Variants in RASEF observed in about 807,000 individuals in gnomAD.
RASEF encodes the protein ras and EF-hand domain-containing protein.
A neutral mutation model predicts 90.1 loss-of-function variants in RASEF; 68 were observed. The ratio of observed to expected loss-of-function variants is 0.75; its 90% confidence interval spans 0.62 to 0.92. RASEF has a LOEUF of 0.92. RASEF is among the 40% of genes least tolerant of loss of function. The pLI, the probability that RASEF is intolerant of heterozygous loss-of-function variation, is 0.00. For synonymous variants in RASEF, 331 were observed against 345.2 expected (o/e 0.96, Z 0.46); for missense variants, 949 against 937.2 (o/e 1.01, Z -0.16).
chr9:83,089,947 T>TATAG, the RASEF span, among the ~76,000 whole-genome samples: 169 of 143,022 alleles, frequency 1.2e-3, no homozygotes, highest in African/African-American at 4.5e-3. Context: ...GATAGATAGA[T>TATAG]ATAGATATAT....
intron 13 of RASEF, 143 bp from the exon 14 acceptor site, chr9:82,997,269 T>C: frequency 1.6e-6 from 1 of 614,322 alleles, no homozygotes; most frequent in Admixed American, 2.6e-5. Context: ...CATAGGCATT[T>C]CAAAGGTCTC....
At chr9:82,990,286 A>T in intron 16 of RASEF, 105 bp downstream of exon 16, 2 of 743,372 alleles carry the variant, frequency 2.7e-6, no homozygotes, top group Non-Finnish European at 4.6e-6. Flanking sequence ...CTGACAGATA[A>T]GAGAGTGTTT....
the RASEF span, among the ~76,000 whole-genome samples, chr9:83,150,927 T>A: frequency 6.6e-6 from 1 of 152,182 alleles, no homozygotes; most frequent in South Asian, 2.1e-4. Context: ...AATGTATATA[T>A]CCAAATTCAC....
chr9:83,084,836 G>A, the RASEF span, among the ~76,000 whole-genome samples: 61 of 152,202 alleles, frequency 4.0e-4, no homozygotes, highest in African/African-American at 1.4e-3. Context: ...ATTATCTTGA[G>A]GGAAGAACTT....
the RASEF span, among the ~76,000 whole-genome samples, chr9:83,138,101 G>T: frequency 7.3e-5 from 11 of 151,658 alleles, no homozygotes; most frequent in Non-Finnish European, 1.2e-4. Flanking sequence ...TGACATTAGT[G>T]GTACTTCACG....
chr9:83,126,486 A>T, the RASEF span, among the ~76,000 whole-genome samples: 4,934 of 152,244 alleles, frequency 0.032, 253 homozygotes, highest in African/African-American at 0.11. Flanking sequence ...GCAGACTCAG[A>T]AATCTACCTT....
chr9:83,038,305 C>A (rs114786374), intron 1 of RASEF, among the ~76,000 whole-genome samples: 2 of 152,168 alleles, frequency 1.3e-5, no homozygotes, highest in African/African-American at 4.8e-5. Context: ...AAAGAATTTA[C>A]GATATCCTCC....
chr9:83,212,942 C>T, the RASEF span, among the ~76,000 whole-genome samples: 5 of 152,078 alleles, frequency 3.3e-5, no homozygotes, highest in Admixed American at 6.5e-5. Flanking sequence ...GCAGGGAAAA[C>T]AAGGAGAATG....
the RASEF span, among the ~76,000 whole-genome samples, chr9:83,126,269 G>A: frequency 1.3e-5 from 2 of 152,090 alleles, no homozygotes; most frequent in Admixed American, 1.3e-4. Flanking sequence ...TAGTGCTCCT[G>A]TAAGAAGAGA....
At chr9:83,127,592 T>G in the RASEF span, among the ~76,000 whole-genome samples, 76,401 of 151,986 alleles carry the variant, frequency 0.5, 19,418 homozygotes, top group East Asian at 0.79. Context: ...CAGTAAGAGT[T>G]GAAAAAGAAA....
chr9:83,013,730 C>T (rs1829291963), intron 4 of RASEF, among the ~76,000 whole-genome samples: 2 of 152,162 alleles, frequency 1.3e-5, no homozygotes, highest in African/African-American at 2.4e-5. Context: ...GGAACTCAGT[C>T]CTCATCTCTA....
the RASEF span, among the ~76,000 whole-genome samples, chr9:83,218,680 A>G: frequency 6.6e-6 from 1 of 152,176 alleles, no homozygotes; most frequent in Non-Finnish European, 1.5e-5. Flanking sequence ...CCTGCTTCTG[A>G]GTGGCAAGCT....
rs1829332815 is a variant in RASEF at position 83,015,807 on chromosome 9, T to C, written c.763A>G (p.Lys255Glu). The C allele has an allele frequency of 6.2e-7, 1 of 1,611,150 alleles. No homozygotes were observed. The highest frequency in any genetic ancestry group is 8.5e-7 in the Non-Finnish European group (1 of 1,177,402). ...DLQVTIKKLR[K>E]LEEQSKRVSQ... ...AAGTCCAGCTGCCACATGCCTACCT[T>C]TCTTAGCTTTTTAATGGTCACCTGC... Residue 255 changes from lysine to glutamate, a missense_variant and splice_region_variant, in exon 4 of 17, where the codon AAG becomes GAG. By Grantham distance (56) the Lys-to-Glu change is moderately conservative. Coordinates refer to ENST00000376447, the MANE Select transcript of RASEF (RefSeq NM_152573.4).
chr9:83,152,334 A>G, the RASEF span, among the ~76,000 whole-genome samples: 5 of 152,356 alleles, frequency 3.3e-5, no homozygotes, highest in East Asian at 9.6e-4. Flanking sequence ...CTGAATAATT[A>G]GTATTTTGCT....
At chr9:83,041,828 T>C (rs1452889975) in intron 1 of RASEF, among the ~76,000 whole-genome samples, 1 of 152,212 alleles carries the variant, frequency 6.6e-6, no homozygotes, top group Non-Finnish European at 1.5e-5. Flanking sequence ...TATTCAAGGA[T>C]CAGTTGTCCT....
At position 82,982,584 on chromosome 9, in the gene RASEF, C is replaced by T; in HGVS notation, c.*93G>A. ...ACTGTAACTCTCCATAGGACAGTGT[C>T]AGTAGGATGTGCCACTCTGTTAAGA... is the stretch of plus-strand genomic sequence containing the variant. On this transcript the variant is annotated 3_prime_UTR_variant, in exon 17 of 17. Coordinates refer to ENST00000376447, the MANE Select transcript of RASEF (RefSeq NM_152573.4). The T allele has an allele frequency of 1.3e-6, 1 of 763,954 alleles. No individual in the cohort carries two copies. The highest frequency in any genetic ancestry group is 2.4e-6 in the Non-Finnish European group (1 of 419,436). The allele number at this position is 763,954 out of a possible 1,614,324, so 47.3% of individuals were successfully genotyped here. A position where few individuals can be genotyped will look rare whatever the true frequency, so the allele number is the denominator to read the frequency against.
the RASEF span, among the ~76,000 whole-genome samples, chr9:83,085,609 A>C: frequency 0.049 from 7,401 of 151,598 alleles, 227 homozygotes; most frequent in South Asian, 0.092. Context: ...CCTCCAGCTT[A>C]AGTGACAGAA....
At chr9:83,016,955 G>T (rs930980302) in intron 3 of RASEF, among the ~76,000 whole-genome samples, 2 of 152,064 alleles carry the variant, frequency 1.3e-5, no homozygotes, top group Non-Finnish European at 2.9e-5. Context: ...GAAATGCTTG[G>T]CAGAAAAGCA....
At position 83,007,518 on chromosome 9, in the gene RASEF, A is replaced by T. The variant is rs906845680; in HGVS notation, c.960-13T>A. 6.2e-7 allele frequency: 1 copy of T among 1,605,214 alleles called. No homozygotes were observed. The highest frequency in any genetic ancestry group is 1.3e-5 in the African/African-American group (1 of 74,834). On this transcript the variant is annotated splice_polypyrimidine_tract_variant and intron_variant, in intron 6 of 16. Transcript: ENST00000376447. ...TATTTCCAGATCCCTGTAAAATTGT[A>T]TTTTATGTTTGAGTGAGAATTAGGT...
Sources: gnomAD v4.1 joint callset for allele counts (sites outside exome capture counted in the v4.1 genomes callset) on GRCh38, gnomAD v4.1.1 for gene constraint, MANE v1.5 for transcripts, NCBI Gene and HGNC (gene_info 2026-07-23, HGNC 2026-07-21) for gene names.